FAM184A: variants seen among roughly 807,000 people sequenced by gnomAD.
FAM184A encodes family with sequence similarity 184 member A, also known as protein FAM184A.
FAM184A carries 99 observed loss-of-function variants against 143.8 expected under a neutral mutation model. That is an observed-to-expected ratio of 0.69 (90% CI 0.58 to 0.81). The LOEUF is 0.81. Ranked by LOEUF, FAM184A falls within the 40% of genes least tolerant of loss-of-function variation. The pLI is 0.00. For synonymous variants in FAM184A, 427 were observed against 446.4 expected (o/e 0.96, Z 0.55); for missense variants, 1,217 against 1,310.5 (o/e 0.93, Z 1.10).
chr6:118,980,391 G>T, intron 9 of FAM184A, 41 bp from the exon 10 acceptor site: 1 of 1,527,980 alleles, frequency 6.5e-7, no homozygotes, highest in Non-Finnish European at 9.0e-7. Flanking sequence ...TAAATACAAG[G>T]CATAGTTCAC....
intron 6 of FAM184A, among the ~76,000 whole-genome samples, chr6:119,008,273 T>C (rs1331985229): frequency 6.6e-6 from 1 of 152,192 alleles, no homozygotes; most frequent in Non-Finnish European, 1.5e-5. Flanking sequence ...ATGAAGTGCT[T>C]CATTGAAACG....
rs544539611 is a variant in FAM184A at position 119,006,169 on chromosome 6, A to G, written c.1815+278T>C. The G allele has an allele frequency of 1.0e-5, 8 of 765,242 alleles. No individual in the cohort carries two copies. In the South Asian group the frequency reaches 1.1e-4, roughly 10 times the overall value. The allele number at this position is 765,242 out of a possible 1,614,324, so 47.4% of individuals were successfully genotyped here. A position where few individuals can be genotyped will look rare whatever the true frequency, so the allele number is the denominator to read the frequency against. On this transcript the variant is annotated intron_variant, in intron 7 of 17. Coordinates refer to ENST00000338891, the MANE Select transcript of FAM184A (RefSeq NM_024581.6). ...CCGAATGCCAAGAATGCCTGGTGCT[A>G]CCAGAAGCTGGAAAATACAAGGACG... is the stretch of plus-strand genomic sequence containing the variant.
chr6:119,062,812 A>C (rs1172463276), intron 1 of FAM184A, among the ~76,000 whole-genome samples: 1 of 152,218 alleles, frequency 6.6e-6, no homozygotes, highest in Non-Finnish European at 1.5e-5. Flanking sequence ...GGTTTACCAA[A>C]GACTGCTTTG....
intron 1 of FAM184A, among the ~76,000 whole-genome samples, chr6:119,087,271 T>C (rs1318129896): frequency 6.6e-6 from 1 of 152,092 alleles, no homozygotes; most frequent in African/African-American, 2.4e-5. Flanking sequence ...CTTTTATGCG[T>C]CAAAAGATAC....
intron 8 of FAM184A, 98 bp downstream of exon 8, chr6:119,003,403 C>G (rs917095081): frequency 8.9e-7 from 1 of 1,125,456 alleles, no homozygotes; most frequent in Non-Finnish European, 1.2e-6. Context: ...ATTTAAAATA[C>G]TGCTACTATG....
At chr6:118,967,766 T>A (rs980919304) in intron 14 of FAM184A, among the ~76,000 whole-genome samples, 1 of 152,156 alleles carries the variant, frequency 6.6e-6, no homozygotes, top group African/African-American at 2.4e-5. Context: ...AGAACAATTT[T>A]AAAAATCTTG....
intron 1 of FAM184A, among the ~76,000 whole-genome samples, chr6:119,101,488 T>C (rs1788636702): frequency 6.6e-6 from 1 of 152,204 alleles, no homozygotes; most frequent in Admixed American, 6.5e-5. Context: ...AATATTCCCC[T>C]GTAAGGCCAT....
chr6:119,040,814 A>G (rs576683290), intron 1 of FAM184A, among the ~76,000 whole-genome samples: 1 of 152,160 alleles, frequency 6.6e-6, no homozygotes, highest in South Asian at 2.1e-4. Context: ...TAAGGACTCC[A>G]CCCACTTGCT....
At chr6:119,112,887 T>C (rs565455811) in intron 1 of FAM184A, among the ~76,000 whole-genome samples, 1 of 152,346 alleles carries the variant, frequency 6.6e-6, no homozygotes, top group Admixed American at 6.5e-5. Flanking sequence ...GGATAAAGGA[T>C]GCCTTCTGCG....
chr6:119,062,762 G>A (rs1006054619), intron 1 of FAM184A, among the ~76,000 whole-genome samples: 1 of 152,180 alleles, frequency 6.6e-6, no homozygotes, highest in Non-Finnish European at 1.5e-5. Context: ...AGAATGCTCT[G>A]AGTTGGTCAG....
intron 1 of FAM184A, among the ~76,000 whole-genome samples, chr6:119,069,719 G>A (rs1787610947): frequency 6.6e-6 from 1 of 152,052 alleles, no homozygotes; most frequent in African/African-American, 2.4e-5. Context: ...AGTTGATGAA[G>A]AACTCCAGTG....
chr6:118,977,124 A>T (rs1783871099), intron 11 of FAM184A, among the ~76,000 whole-genome samples: 1 of 152,234 alleles, frequency 6.6e-6, no homozygotes, highest in African/African-American at 2.4e-5. Flanking sequence ...GTAACAGCTA[A>T]GAACTAAAAG....
At chr6:119,133,665 T>G (rs1021980576) in intron 1 of FAM184A, among the ~76,000 whole-genome samples, 3 of 152,094 alleles carry the variant, frequency 2.0e-5, no homozygotes, top group South Asian at 4.1e-4. Flanking sequence ...TGAAGAAGGC[T>G]GACCGTTGAG....
intron 5 of FAM184A, among the ~76,000 whole-genome samples, chr6:119,014,765 A>G (rs1562473556): frequency 1.3e-5 from 2 of 152,216 alleles, no homozygotes; most frequent in Non-Finnish European, 2.9e-5. Context: ...AACCATCAAA[A>G]TGAAGGAAAT....
At chr6:118,980,760 G>A (rs1783995408) in intron 9 of FAM184A, among the ~76,000 whole-genome samples, 2 of 152,152 alleles carry the variant, frequency 1.3e-5, no homozygotes, top group South Asian at 4.1e-4. Context: ...AGTGAAATAG[G>A]AGTGTGAGCT....
At chr6:119,021,606 G>C (rs554252667) in intron 3 of FAM184A, among the ~76,000 whole-genome samples, 1 of 152,308 alleles carries the variant, frequency 6.6e-6, no homozygotes, top group South Asian at 2.1e-4. Context: ...CTTAAGCCCA[G>C]GAGTTTTAGG....
At chr6:118,962,291 A>T in intron 16 of FAM184A, 1 of 268,408 alleles carries the variant, frequency 3.7e-6, no homozygotes, top group South Asian at 5.0e-5. Flanking sequence ...GGGAAAAAGG[A>T]TTAGGGGAGA....
At chr6:119,095,981 T>C (rs1215276609) in intron 1 of FAM184A, among the ~76,000 whole-genome samples, 1 of 152,222 alleles carries the variant, frequency 6.6e-6, no homozygotes. Context: ...CAGTGGGTTC[T>C]TTTCTGACTT....
chr6:119,022,307 C>G (rs1376573245), intron 3 of FAM184A, among the ~76,000 whole-genome samples: 1 of 151,902 alleles, frequency 6.6e-6, no homozygotes, highest in East Asian at 1.9e-4. Flanking sequence ...GATCTGCCCA[C>G]TTTGGCCTCC....
Sources: allele counts gnomAD v4.1 joint callset (sites outside exome capture counted in the v4.1 genomes callset), GRCh38; gene constraint gnomAD v4.1.1; transcripts MANE v1.5; gene names NCBI Gene and HGNC (gene_info 2026-07-23, HGNC 2026-07-21).